ADAM29: variants seen among roughly 807,000 people sequenced by gnomAD.
ADAM29 encodes the protein ADAM metallopeptidase domain 29.
For missense variants in ADAM29, 969 were observed against 1,001.8 expected, an observed-to-expected ratio of 0.97 and a Z score of 0.44; for synonymous variants, 367 against 342.3, an observed-to-expected ratio of 1.07 and a Z score of -0.80.
At position 174,976,207 on chromosome 4, in the gene ADAM29, A is replaced by AT. The variant is rs1560896896; in HGVS notation, c.684dup (p.Val229CysfsTer2). On this transcript the variant is annotated frameshift_variant, in exon 5 of 5. Transcript: ENST00000359240. LOFTEE classifies it low-confidence loss of function (END_TRUNC). ...AAAGTTGCTGGAGGATCTATATGTTATTGTTAATATAGTGGATTCCATTTT... is the reference window on the plus strand; with the variant it reads ...AAAGTTGCTGGAGGATCTATATGTTATTTGTTAATATAGTGGATTCCATTTT... The AT allele has an allele frequency of 6.2e-7, 1 of 1,606,440 alleles. No individual in the cohort carries two copies.
intron 4 of ADAM29, among the ~76,000 whole-genome samples, chr4:174,954,537 TACATATTTAC>T (rs1745382713): frequency 6.6e-6 from 1 of 152,234 alleles, no homozygotes; most frequent in Non-Finnish European, 1.5e-5. Flanking sequence ...CATGGGCTTA[TACATATTTAC>T]AATTCCTTTT....
At chr4:174,969,032 C>T (rs1746317784) in intron 4 of ADAM29, among the ~76,000 whole-genome samples, 1 of 151,902 alleles carries the variant, frequency 6.6e-6, no homozygotes, top group Non-Finnish European at 1.5e-5. Flanking sequence ...AGGATCTTCA[C>T]CCTAGAAAAT....
chr4:174,920,962 A>G (rs77377290), intron 2 of ADAM29, among the ~76,000 whole-genome samples, 170 bp downstream of exon 2: 11,601 of 152,208 alleles, frequency 0.076, 591 homozygotes, highest in Admixed American at 0.16. Flanking sequence ...GAAAATGTCG[A>G]TTGATCATTA....
At chr4:174,956,775 G>A (rs1191096359) in intron 4 of ADAM29, among the ~76,000 whole-genome samples, 7 of 151,778 alleles carry the variant, frequency 4.6e-5, no homozygotes, top group Admixed American at 4.6e-4. Flanking sequence ...AATTAGCCTA[G>A]GATATCAGGC....
chr4:174,968,469 T>C (rs1475826629), intron 4 of ADAM29, among the ~76,000 whole-genome samples: 1 of 152,210 alleles, frequency 6.6e-6, no homozygotes, highest in Non-Finnish European at 1.5e-5. Context: ...GGATCTTGTG[T>C]ACAGTGTCTC....
chr4:174,962,370 G>C (rs1460854282), intron 4 of ADAM29, among the ~76,000 whole-genome samples: 1 of 151,958 alleles, frequency 6.6e-6, no homozygotes, highest in Non-Finnish European at 1.5e-5. Context: ...AAATTAGCTG[G>C]GCGTGGTGGG....
intron 4 of ADAM29, among the ~76,000 whole-genome samples, chr4:174,969,369 A>G (rs1746339186): frequency 6.6e-6 from 1 of 151,844 alleles, no homozygotes; most frequent in Non-Finnish European, 1.5e-5. Context: ...CAGAATCCTA[A>G]CTACTAAAAT....
chr4:174,974,822 T>C (rs1420111679), intron 4 of ADAM29, among the ~76,000 whole-genome samples: 1 of 152,124 alleles, frequency 6.6e-6, no homozygotes. Context: ...ATTAAATAAA[T>C]ATTGTGCCAT....
chr4:174,921,242 C>G (rs1391911012), intron 2 of ADAM29, among the ~76,000 whole-genome samples: 1 of 152,050 alleles, frequency 6.6e-6, no homozygotes, highest in Non-Finnish European at 1.5e-5. Context: ...AATTTTTCAA[C>G]AAGAGAAATA....
In ADAM29 at chr4:174,972,635, T is replaced by G. The variant is rs1205129208; in HGVS notation, c.-180-2711T>G. On this transcript the variant is annotated intron_variant, in intron 4 of 4. Coordinates refer to ENST00000359240, the MANE Select transcript of ADAM29 (RefSeq NM_014269.4). ...AGAAGAAAGCTGACACTTGGGATAT[T>G]TTTTCTGCTTGCTCTGTGCTGAGCA... Among the ~76,000 whole-genome samples the G allele has an allele frequency of 2.0e-5, 3 of 152,120 alleles. 1 individual carries two copies. Among genetic ancestry groups the G allele is most frequent in the Non-Finnish European group, 4.4e-5 (3 of 68,010 alleles).
intron 4 of ADAM29, among the ~76,000 whole-genome samples, chr4:174,943,943 T>C (rs1744692949): frequency 6.6e-6 from 1 of 152,100 alleles, no homozygotes; most frequent in African/African-American, 2.4e-5. Context: ...TTATTGTCCA[T>C]AATTGCCCCC....
At chr4:174,968,614 T>A (rs1746284209) in intron 4 of ADAM29, among the ~76,000 whole-genome samples, 1 of 152,216 alleles carries the variant, frequency 6.6e-6, no homozygotes, top group Non-Finnish European at 1.5e-5. Flanking sequence ...CACATTCATG[T>A]CATGTTCTAT....
chr4:174,977,327 G>C lies in ADAM29; in HGVS notation c.1802G>C (p.Gly601Ala). 7 of 1,613,562 alleles carry C rather than the reference G, an allele frequency of 4.3e-6. No homozygotes were observed. Among genetic ancestry groups the C allele is most frequent in the Non-Finnish European group, 5.9e-6 (7 of 1,180,032 alleles). The part of the protein sequence containing the change: ...KGPDIGEVKD[G>A]TECGIDHICI... ...CCTGATATTGGTGAAGTGAAAGATG[G>C]AACAGAGTGTGGGATAGATCATATA... is the stretch of plus-strand genomic sequence containing the variant. Residue 601 changes from glycine (G) to alanine (A), a missense_variant, in exon 5 of 5, where the codon GGA (glycine) becomes GCA (alanine). Coordinates refer to ENST00000359240, the MANE Select transcript of ADAM29 (RefSeq NM_014269.4).
At position 174,977,952 on chromosome 4, in the gene ADAM29, G is replaced by C. The variant is rs763497190; in HGVS notation, c.2427G>C (p.Met809Ile). The C allele has an allele frequency of 2.5e-6, 4 of 1,591,438 alleles. No individual in the cohort carries two copies. In the African/African-American group the frequency reaches 5.5e-5, roughly 22 times the overall value. ...CCTCCCAGAGGCAACCTCAGTTGATGCCTTCCCAGAGTCAACCTCCTGTGA... is the reference window on the plus strand; with the variant it reads ...CCTCCCAGAGGCAACCTCAGTTGATCCCTTCCCAGAGTCAACCTCCTGTGA... ...VTPSQRQPQL[M>I]PSQSQPPVTP... The change falls in exon 5 of 5, where the codon ATG becomes ATC. Residue 809 changes from methionine (M) to isoleucine (I), a missense_variant. Coordinates refer to ENST00000359240, the MANE Select transcript of ADAM29 (RefSeq NM_014269.4).
chr4:174,938,475 AAGG>A (rs1744324999), intron 4 of ADAM29, among the ~76,000 whole-genome samples: 1 of 152,094 alleles, frequency 6.6e-6, no homozygotes, highest in African/African-American at 2.4e-5. Context: ...CATTTTTATG[AAGG>A]AGGAGGAAAA....
intron 2 of ADAM29, among the ~76,000 whole-genome samples, chr4:174,925,534 T>C (rs958072811): frequency 6.6e-6 from 1 of 152,194 alleles, no homozygotes; most frequent in African/African-American, 2.4e-5. Flanking sequence ...AAAGGAAATA[T>C]CTTACAATGT....
chr4:174,969,279 T>C (rs973178382), intron 4 of ADAM29, among the ~76,000 whole-genome samples: 4 of 151,680 alleles, frequency 2.6e-5, no homozygotes, highest in Non-Finnish European at 5.9e-5. Flanking sequence ...CATTGTCTTC[T>C]TTATACCATT....
chr4:174,953,095 G>T (rs1426015395), intron 4 of ADAM29, among the ~76,000 whole-genome samples: 1 of 152,088 alleles, frequency 6.6e-6, no homozygotes, highest in Non-Finnish European at 1.5e-5. Flanking sequence ...GACCATCCTG[G>T]CTAACACGAT....
At chr4:174,918,976 C>T (rs1262105368) in intron 1 of ADAM29, 2 of 152,062 alleles carry the variant, frequency 1.3e-5, no homozygotes, top group Non-Finnish European at 2.9e-5. Flanking sequence ...CTGAGAAATT[C>T]GATAACGTAC....
Sources: allele counts gnomAD v4.1 joint callset (sites outside exome capture counted in the v4.1 genomes callset), GRCh38; gene constraint gnomAD v4.1.1; transcripts MANE v1.5; gene names NCBI Gene and HGNC (gene_info 2026-07-23, HGNC 2026-07-21).